The following MED13 variants were observed in gnomAD, a reference collection of about 807,000 sequenced individuals.
MED13 encodes the protein mediator of RNA polymerase II transcription subunit 13.
A neutral mutation model predicts 225.2 loss-of-function variants in MED13; 23 were observed. That is an observed-to-expected ratio of 0.10 (90% CI 0.07 to 0.14). MED13 has a LOEUF of 0.14. Ranked by LOEUF, MED13 falls within the 10% of genes least tolerant of loss-of-function variation. MED13 has a pLI of 1.00. For missense variants in MED13, 2,197 were observed against 2,594.5 expected, an observed-to-expected ratio of 0.85 and a Z score of 3.33; for synonymous variants, 942 against 889.2, an observed-to-expected ratio of 1.06 and a Z score of -1.06.
In MED13 at chr17:61,945,204, C is replaced by T. The variant is rs536988327; in HGVS notation, c.*1264G>A. On this transcript the variant is annotated 3_prime_UTR_variant, in exon 30 of 30. Transcript: ENST00000397786. ...CCAGAATTCACTGAGAATCTATTTA[C>T]ACCACAGTTTGATTGCGCGCACACA... 6.6e-6 allele frequency: 1 copy of T among 152,124 alleles called. No individual in the cohort carries two copies. Among genetic ancestry groups the T allele is most frequent in the African/African-American group, 2.4e-5 (1 of 41,522 alleles). The allele number at this position is 152,124 out of a possible 1,614,324, so 9.4% of individuals were successfully genotyped here. A position where few individuals can be genotyped will look rare whatever the true frequency, so the allele number is the denominator to read the frequency against.
At chr17:62,027,779 G>T (rs2143663583) in intron 8 of MED13, among the ~76,000 whole-genome samples, 1 of 152,226 alleles carries the variant, frequency 6.6e-6, no homozygotes, top group African/African-American at 2.4e-5. Context: ...CTTTTCAAAA[G>T]AAGACATATG....
In MED13 at chr17:61,946,608, G is replaced by C. The variant is rs146397095; in HGVS notation, c.6393-8C>G. On this transcript the variant is annotated splice_polypyrimidine_tract_variant and splice_region_variant and intron_variant, in intron 29 of 29. Transcript: ENST00000397786. ...TACTGTTCCAAAACAAACCTGAAAA[G>C]CAAATAAACTGCATAAGTCATTTAT... is the stretch of plus-strand genomic sequence containing the variant. 965 of 1,608,062 alleles carry C rather than the reference G, an allele frequency of 6.0e-4. 6 individuals are homozygous for C. In the African/African-American group the frequency reaches 0.011, roughly 19 times the overall value.
intron 14 of MED13, 125 bp downstream of exon 14, chr17:61,984,526 T>C (rs2080232032): frequency 4.2e-6 from 4 of 944,946 alleles, no homozygotes; most frequent in Non-Finnish European, 6.2e-6. Flanking sequence ...GTGACAACAA[T>C]AATTCAGTCC....
rs761166207 is a variant in MED13 at position 61,950,812 on chromosome 17, GA to G, written c.6291+12del. 3 of 1,601,316 alleles carry G rather than the reference GA, an allele frequency of 1.9e-6. No homozygotes were observed. Among genetic ancestry groups the G allele is most frequent in the Non-Finnish European group, 2.6e-6 (3 of 1,173,598 alleles). On this transcript the variant is annotated intron_variant, in intron 28 of 29. Transcript: ENST00000397786. Reference sequence around the variant, plus strand: ...TCAGAATTATTTAGGAACTGGGACAGAAATGGCAATACCTTAAGAAAAAGGG... The same window carrying G: ...TCAGAATTATTTAGGAACTGGGACAGAATGGCAATACCTTAAGAAAAAGGG...
chr17:61,946,863 A>T lies in MED13; in HGVS notation c.6392+54T>A, dbSNP rs949280725. 7.6e-6 allele frequency: 11 copies of T among 1,446,388 alleles called. No homozygotes were observed. In the African/African-American group the frequency reaches 1.5e-4, roughly 20 times the overall value. 89.6% of individuals were successfully genotyped at this position (1,446,388 alleles called of 1,614,324 possible). A position where few individuals can be genotyped will look rare whatever the true frequency, so the allele number is the denominator to read the frequency against. On this transcript the variant is annotated intron_variant, in intron 29 of 29. Coordinates refer to ENST00000397786, the MANE Select transcript of MED13 (RefSeq NM_005121.3). ...ATGAGAAAAATATATAAGAATCAAC[A>T]TTATATTCTTTTAAAGTTGCAGTGA...
intron 12 of MED13, 52 bp from the exon 13 acceptor site, chr17:61,985,142 C>A: frequency 7.1e-7 from 1 of 1,417,940 alleles, no homozygotes. Flanking sequence ...AATGTGATCT[C>A]AAAATAGTAA....
chr17:61,993,469 T>C (rs1041447899), intron 10 of MED13, among the ~76,000 whole-genome samples: 4 of 151,580 alleles, frequency 2.6e-5, no homozygotes, highest in Non-Finnish European at 4.4e-5. Flanking sequence ...CCCAAAGTGC[T>C]GGGATTACAG....
intron 11 of MED13, among the ~76,000 whole-genome samples, chr17:61,987,346 A>G (rs2080256808): frequency 6.6e-6 from 1 of 152,108 alleles, no homozygotes; most frequent in Non-Finnish European, 1.5e-5. Flanking sequence ...GAGACGGAGA[A>G]CTGCTTGAAC....
intron 9 of MED13, among the ~76,000 whole-genome samples, chr17:61,999,850 A>G (rs1420875362): frequency 1.3e-5 from 2 of 152,138 alleles, no homozygotes; most frequent in South Asian, 4.1e-4. Flanking sequence ...GGAGACCAGG[A>G]GTTCAAGACC....
chr17:61,963,131 C>G (rs1363472784), intron 20 of MED13, among the ~76,000 whole-genome samples, 160 bp from the exon 21 acceptor site: 1 of 131,588 alleles, frequency 7.6e-6, no homozygotes, highest in Non-Finnish European at 1.5e-5. Flanking sequence ...CAAAATGAAC[C>G]ATAAACATTG....
intron 9 of MED13, among the ~76,000 whole-genome samples, chr17:61,995,641 G>A (rs2080340690): frequency 6.6e-6 from 1 of 152,126 alleles, no homozygotes; most frequent in Admixed American, 6.5e-5. Flanking sequence ...GTAACTCACG[G>A]TTCTCAAGTC....
intron 23 of MED13, among the ~76,000 whole-genome samples, chr17:61,959,533 G>A (rs1270060193): frequency 1.3e-5 from 2 of 151,658 alleles, no homozygotes; most frequent in African/African-American, 4.8e-5. Context: ...ACTGTTCTAA[G>A]GTTTATAATA....
chr17:62,008,843 C>T (rs926540587), intron 9 of MED13, among the ~76,000 whole-genome samples: 5 of 152,006 alleles, frequency 3.3e-5, no homozygotes, highest in African/African-American at 9.7e-5. Context: ...AACTGGTTCA[C>T]ATTATAACAG....
At chr17:61,998,733 G>A (rs1263323385) in intron 9 of MED13, among the ~76,000 whole-genome samples, 2 of 151,200 alleles carry the variant, frequency 1.3e-5, no homozygotes, top group Non-Finnish European at 2.9e-5. Flanking sequence ...CTGAGTAGCT[G>A]GGACTACAGG....
At chr17:62,057,513 A>C (rs2081005101) in intron 2 of MED13, among the ~76,000 whole-genome samples, 2 of 152,110 alleles carry the variant, frequency 1.3e-5, no homozygotes, top group South Asian at 4.2e-4. Flanking sequence ...CAATAGTAGA[A>C]ATAAATTACT....
intron 20 of MED13, among the ~76,000 whole-genome samples, chr17:61,963,780 G>C (rs537494063): frequency 6.6e-6 from 1 of 152,150 alleles, no homozygotes; most frequent in Middle Eastern, 3.4e-3. Flanking sequence ...ATAATTTTGG[G>C]CACAACTGCA....
chr17:61,987,383 G>T (rs796544531), intron 11 of MED13, among the ~76,000 whole-genome samples: 1 of 151,962 alleles, frequency 6.6e-6, no homozygotes, highest in Non-Finnish European at 1.5e-5. Flanking sequence ...GCAGTGAGCC[G>T]AGATAGCACC....
At chr17:61,964,384 C>T (rs536902005) in intron 20 of MED13, among the ~76,000 whole-genome samples, 3 of 151,850 alleles carry the variant, frequency 2.0e-5, no homozygotes, top group South Asian at 2.1e-4. Flanking sequence ...CCAGCCAGGG[C>T]AACAGGGTGA....
At chr17:61,960,846 T>C (rs1567943767) in intron 23 of MED13, 21 bp downstream of exon 23, 4 of 1,484,816 alleles carry the variant, frequency 2.7e-6, no homozygotes, top group South Asian at 1.2e-5. Flanking sequence ...TGATATGATA[T>C]ATTTAGGGAA....
Sources: gnomAD v4.1 joint callset for allele counts (sites outside exome capture counted in the v4.1 genomes callset) on GRCh38, gnomAD v4.1.1 for gene constraint, MANE v1.5 for transcripts, NCBI Gene and HGNC (gene_info 2026-07-23, HGNC 2026-07-21) for gene names.